The following DPP10 variants were observed in gnomAD, a reference collection of about 807,000 sequenced individuals.
DPP10 encodes the protein dipeptidyl peptidase like 10.
A neutral mutation model predicts 120.9 loss-of-function variants in DPP10; 33 were observed. The ratio of observed to expected loss-of-function variants is 0.27; its 90% CI spans 0.21 to 0.37. The LOEUF is 0.37. DPP10 is among the 10% of genes least tolerant of loss of function. The pLI, the probability that DPP10 is intolerant of heterozygous loss-of-function variation, is 1.00. For synonymous variants in DPP10, 337 were observed against 326.1 expected (o/e 1.03, Z -0.36); for missense variants, 816 against 942.8 (o/e 0.87, Z 1.76).
chr2:115,166,869 C>T (rs1573863796), intron 1 of DPP10, among the ~76,000 whole-genome samples: 1 of 152,182 alleles, frequency 6.6e-6, no homozygotes, highest in Admixed American at 6.5e-5. Flanking sequence ...TTTATGATTA[C>T]AGAATGTCTT....
At chr2:115,826,309 T>A (rs776666903) in intron 21 of DPP10, among the ~76,000 whole-genome samples, 1 of 152,228 alleles carries the variant, frequency 6.6e-6, no homozygotes, top group Non-Finnish European at 1.5e-5. Flanking sequence ...CTGTTTGCCT[T>A]TTCCTACTTT....
intron 9 of DPP10, among the ~76,000 whole-genome samples, chr2:115,741,580 A>G (rs1293211387): frequency 6.6e-6 from 1 of 152,130 alleles, no homozygotes; most frequent in Non-Finnish European, 1.5e-5. Flanking sequence ...TAAATGTGAA[A>G]TGGAGAACTA....
chr2:115,062,945 A>G (rs1706535184), intron 1 of DPP10, among the ~76,000 whole-genome samples: 1 of 152,210 alleles, frequency 6.6e-6, no homozygotes, highest in Non-Finnish European at 1.5e-5. Flanking sequence ...TTCTGGTTCT[A>G]GGTCTTTGAG....
intron 1 of DPP10, among the ~76,000 whole-genome samples, chr2:114,841,280 C>G (rs1688134773): frequency 6.6e-6 from 1 of 152,084 alleles, no homozygotes; most frequent in Admixed American, 6.6e-5. Flanking sequence ...TATTGAGATT[C>G]AGGAAAGCTT....
chr2:114,845,181 A>G (rs962688510), intron 1 of DPP10, among the ~76,000 whole-genome samples: 8 of 152,160 alleles, frequency 5.3e-5, no homozygotes, highest in Non-Finnish European at 1.0e-4. Flanking sequence ...CAGTCAACCA[A>G]CATGCATTGG....
chr2:114,522,665 G>A (rs898632099), intron 1 of DPP10, among the ~76,000 whole-genome samples: 6 of 152,130 alleles, frequency 3.9e-5, no homozygotes, highest in African/African-American at 1.2e-4. Context: ...TTTTTGGGGT[G>A]TATTAATCCA....
intron 1 of DPP10, among the ~76,000 whole-genome samples, chr2:115,068,625 T>A (rs1166826845): frequency 6.6e-6 from 1 of 152,176 alleles, no homozygotes; most frequent in African/African-American, 2.4e-5. Context: ...GGGGATCATA[T>A]CCAAAAATTA....
chr2:114,677,091 A>T (rs996012378), intron 1 of DPP10, among the ~76,000 whole-genome samples: 1 of 152,104 alleles, frequency 6.6e-6, no homozygotes, highest in African/African-American at 2.4e-5. Context: ...AAGCAATGTT[A>T]TCCTCCCCGG....
intron 1 of DPP10, among the ~76,000 whole-genome samples, chr2:115,141,016 T>G (rs1233285239): frequency 6.6e-6 from 1 of 151,948 alleles, no homozygotes; most frequent in African/African-American, 2.4e-5. Context: ...TTTGTGAATT[T>G]CCTCCAGTGG....
chr2:115,217,970 C>A (rs2056929192), intron 1 of DPP10, among the ~76,000 whole-genome samples: 1 of 152,066 alleles, frequency 6.6e-6, no homozygotes, highest in African/African-American at 2.4e-5. Flanking sequence ...TGTTATGTGA[C>A]CTTTCCTGTC....
chr2:114,752,581 G>A (rs531655404), intron 1 of DPP10, among the ~76,000 whole-genome samples: 3 of 152,230 alleles, frequency 2.0e-5, no homozygotes, highest in African/African-American at 7.2e-5. Context: ...GAGGAGGCAG[G>A]ACTCAAGGTT....
At chr2:114,899,263 G>A (rs1693330309) in intron 1 of DPP10, among the ~76,000 whole-genome samples, 1 of 151,940 alleles carries the variant, frequency 6.6e-6, no homozygotes, top group Non-Finnish European at 1.5e-5. Context: ...GTGGTGAAGA[G>A]CAAGTTTCAG....
chr2:114,533,979 A>G (rs938294532), intron 1 of DPP10, among the ~76,000 whole-genome samples: 1 of 151,944 alleles, frequency 6.6e-6, no homozygotes, highest in African/African-American at 2.4e-5. Context: ...CTCCTTTCTC[A>G]CTGCTGTGAT....
chr2:115,818,737 C>T (rs1024693540), intron 21 of DPP10, among the ~76,000 whole-genome samples: 5 of 152,122 alleles, frequency 3.3e-5, no homozygotes, highest in Admixed American at 1.3e-4. Context: ...ATTAGAAGCT[C>T]AGCATATAAA....
At chr2:114,879,689 G>T (rs962013173) in intron 1 of DPP10, among the ~76,000 whole-genome samples, 3 of 151,888 alleles carry the variant, frequency 2.0e-5, no homozygotes, top group African/African-American at 7.3e-5. Context: ...ATACTTGACA[G>T]AAAATTGAAA....
chr2:114,517,350 A>C (rs1013965118), intron 1 of DPP10, among the ~76,000 whole-genome samples: 4 of 152,106 alleles, frequency 2.6e-5, no homozygotes, highest in African/African-American at 9.7e-5. Context: ...GTGAAACCCC[A>C]TCTCTGCTAA....
chr2:114,558,683 T>C (rs998072723), intron 1 of DPP10, among the ~76,000 whole-genome samples: 1 of 152,198 alleles, frequency 6.6e-6, no homozygotes, highest in Admixed American at 6.5e-5. Flanking sequence ...CAGTAAATAT[T>C]TGTTAAACAA....
chr2:115,804,633 T>G (rs1327559797), intron 19 of DPP10, among the ~76,000 whole-genome samples: 1 of 152,204 alleles, frequency 6.6e-6, no homozygotes, highest in Non-Finnish European at 1.5e-5. Flanking sequence ...TTCTGTTTGT[T>G]AGTTTTCCTT....
At chr2:114,527,057 A>G (rs878961683) in intron 1 of DPP10, among the ~76,000 whole-genome samples, 2 of 151,892 alleles carry the variant, frequency 1.3e-5, no homozygotes, top group Admixed American at 6.6e-5. Flanking sequence ...CTTTTCCTTA[A>G]TTTTACTTTG....
Sources: allele counts gnomAD v4.1 joint callset (sites outside exome capture counted in the v4.1 genomes callset), GRCh38; gene constraint gnomAD v4.1.1; transcripts MANE v1.5; gene names NCBI Gene and HGNC (gene_info 2026-07-23, HGNC 2026-07-21).